The following LAMB1 variants were observed in gnomAD, a reference collection of about 807,000 sequenced individuals.
LAMB1 encodes the protein laminin subunit beta 1, also known as laminin subunit beta-1.
LAMB1 carries 121 observed loss-of-function variants against 222.3 expected under a neutral mutation model. The ratio of observed to expected loss-of-function variants is 0.54; its 90% CI spans 0.47 to 0.63. The LOEUF (loss-of-function observed/expected upper bound fraction) is 0.63, where lower values mean the gene tolerates loss of function less well. LAMB1 is among the 30% of genes least tolerant of loss of function. LAMB1 has a pLI of 0.00. For synonymous variants in LAMB1, 794 were observed against 807.2 expected, an observed-to-expected ratio of 0.98 and a Z score of 0.28; for missense variants, 2,172 against 2,240.8, an observed-to-expected ratio of 0.97 and a Z score of 0.62.
Position 107,935,555 on chromosome 7 carries a change from C to G in LAMB1, c.4048G>C (p.Ala1350Pro). 6.2e-7 allele frequency: 1 copy of G among 1,613,904 alleles called. No homozygotes were observed. The highest frequency in any genetic ancestry group is 1.3e-5 in the African/African-American group (1 of 74,958). The change falls in exon 27 of 34, where the codon GCC becomes CCC. Residue 1350 changes from alanine to proline, a missense_variant. By Grantham distance (27) the Ala-to-Pro change is conservative. Coordinates refer to ENST00000222399, the MANE Select transcript of LAMB1 (RefSeq NM_002291.3). Reference protein sequence around the residue: ...TEPNSTVEQSALMRDRVEDVM... With the variant: ...TEPNSTVEQSPLMRDRVEDVM... ...TCTTCTACTCTGTCTCTCATGAGGG[C>G]TGACTGCTCCACAGTGCTGTTGGGT...
intron 1 of LAMB1, 23 bp from the exon 2 acceptor site, chr7:108,002,994 A>G (rs966375342): frequency 9.0e-6 from 14 of 1,557,066 alleles, no homozygotes; most frequent in African/African-American, 2.8e-5. Context: ...AAAGGAGGGG[A>G]AAAAAGGCAA....
At chr7:107,959,634 G>A (rs2033452853) in intron 19 of LAMB1, 57 bp downstream of exon 19, 1 of 1,613,940 alleles carries the variant, frequency 6.2e-7, no homozygotes, top group Non-Finnish European at 8.5e-7. Context: ...ATGGAACCCT[G>A]CCACAATGGC....
intron 4 of LAMB1, among the ~76,000 whole-genome samples, chr7:107,997,178 C>A (rs2034296035): frequency 6.6e-6 from 1 of 152,092 alleles, no homozygotes; most frequent in Admixed American, 6.5e-5. Flanking sequence ...AATCCCAGCA[C>A]TTTGGGAGGC....
Position 107,975,061 on chromosome 7 carries a change from C to A in LAMB1, c.1407G>T (p.Gly469=). The change falls in exon 12 of 34, where the codon GGG becomes GGT. Residue 469 remains glycine, a synonymous_variant. Coordinates refer to ENST00000222399, the MANE Select transcript of LAMB1 (RefSeq NM_002291.3). ...ACNPLGTIPG[G]NPCDSETGHC... ...GACCTGTCTCGGAATCACAAGGATTCCCTCCAGGAATTGTTCCCAGAGGAT... is the reference window on the plus strand; with the variant it reads ...GACCTGTCTCGGAATCACAAGGATTACCTCCAGGAATTGTTCCCAGAGGAT... The A allele has an allele frequency of 6.2e-7, 1 of 1,612,894 alleles. No individual in the cohort carries two copies. The highest frequency in any genetic ancestry group is 1.1e-5 in the South Asian group (1 of 91,036).
chr7:107,993,413 T>C (rs1310342220), intron 5 of LAMB1, among the ~76,000 whole-genome samples: 2 of 151,942 alleles, frequency 1.3e-5, no homozygotes, highest in South Asian at 2.1e-4. Flanking sequence ...GGATTACAGG[T>C]GTGAGCCACC....
At chr7:107,928,452 T>C (rs1466070219) in intron 31 of LAMB1, among the ~76,000 whole-genome samples, 1 of 152,130 alleles carries the variant, frequency 6.6e-6, no homozygotes, top group African/African-American at 2.4e-5. Context: ...ATTATTATAC[T>C]TCATACTACT....
chr7:108,003,143 G>T lies in LAMB1; in HGVS notation c.-119C>A. Reference sequence around the variant, plus strand: ...CGCGAGCTCTCGCCCTGCTCCGGGAGCCCCCGAGCCCAAAGAAGGGAATTA... The same window carrying T: ...CGCGAGCTCTCGCCCTGCTCCGGGATCCCCCGAGCCCAAAGAAGGGAATTA... On this transcript the variant is annotated 5_prime_UTR_variant, in exon 1 of 34. Coordinates refer to ENST00000222399, the MANE Select transcript of LAMB1 (RefSeq NM_002291.3). The T allele has an allele frequency of 1.6e-6, 1 of 639,472 alleles. No homozygotes were observed. Among genetic ancestry groups the T allele is most frequent in the Non-Finnish European group, 2.5e-6 (1 of 399,518 alleles). 39.6% of individuals were successfully genotyped at this position (639,472 alleles called of 1,614,324 possible).
At position 107,931,346 on chromosome 7, in the gene LAMB1, A is replaced by C. The variant is rs2116325144; in HGVS notation, c.4537+10T>G. ...CAAATGTCTAAAAGTAAAATGAAAA[A>C]ATTTCTTACGGGTCAAAAAGTTTCT... is the stretch of plus-strand genomic sequence containing the variant. On this transcript the variant is annotated intron_variant, in intron 29 of 33. Transcript: ENST00000222399. 1 of 1,608,796 alleles carries C rather than the reference A, an allele frequency of 6.2e-7. No individual in the cohort carries two copies. Among genetic ancestry groups the C allele is most frequent in the East Asian group, 2.2e-5 (1 of 44,804 alleles).
chr7:107,941,819 C>G (rs1446496900), intron 24 of LAMB1, among the ~76,000 whole-genome samples: 1 of 135,606 alleles, frequency 7.4e-6, no homozygotes, highest in Admixed American at 8.1e-5. Context: ...CCACCACACC[C>G]GGCTTTTTTT....
chr7:107,936,102 G>T (rs1461397836), intron 26 of LAMB1, among the ~76,000 whole-genome samples: 3 of 152,194 alleles, frequency 2.0e-5, no homozygotes, highest in Admixed American at 6.5e-5. Context: ...AAAAATGGTT[G>T]TATCTGTACT....
At position 107,940,366 on chromosome 7, in the gene LAMB1, G is replaced by A. The variant is rs939670998; in HGVS notation, c.3392-8C>T. ...TGGGGTCACAGTCACAGGCTAGAAG[G>A]GAATAAGCAATGCTAGCTGATCTAC... On this transcript the variant is annotated splice_region_variant and splice_polypyrimidine_tract_variant and intron_variant, in intron 24 of 33. Coordinates refer to ENST00000222399, the MANE Select transcript of LAMB1 (RefSeq NM_002291.3). 2 of 1,606,190 alleles carry A rather than the reference G, an allele frequency of 1.2e-6. No individual in the cohort carries two copies.
intron 3 of LAMB1, among the ~76,000 whole-genome samples, chr7:108,000,396 C>G (rs747546235): frequency 5.9e-5 from 9 of 152,156 alleles, no homozygotes; most frequent in Non-Finnish European, 1.3e-4. Flanking sequence ...ATCTGCTGTG[C>G]AAACCACACA....
chr7:107,933,717 A>C (rs558085226), intron 27 of LAMB1, among the ~76,000 whole-genome samples: 1 of 152,344 alleles, frequency 6.6e-6, no homozygotes, highest in Non-Finnish European at 1.5e-5. Context: ...GCAGTAAAGA[A>C]CTTACAGAAA....
intron 13 of LAMB1, among the ~76,000 whole-genome samples, chr7:107,972,600 G>GA: frequency 6.8e-6 from 1 of 147,398 alleles, no homozygotes; most frequent in African/African-American, 2.5e-5. Flanking sequence ...AAAAAAAAAA[G>GA]AAAAAAAGAA....
rs112562651 is a variant in LAMB1 at position 107,970,979 on chromosome 7, G to A, written c.1562+2013C>T. On this transcript the variant is annotated intron_variant, in intron 13 of 33. Transcript: ENST00000222399. ...AACTCCTGACCTCAGGTGATCTGGC[G>A]CGCCGGCCTCCCAAAGTGCTAGGAT... Among the ~76,000 whole-genome samples the A allele has an allele frequency of 9.7e-4, 148 of 152,202 alleles. 1 individual carries two copies. The highest frequency in any genetic ancestry group is 3.2e-3 in the African/African-American group (133 of 41,536).
At chr7:107,937,010 T>A in intron 26 of LAMB1, 83 bp downstream of exon 26, 1 of 1,161,824 alleles carries the variant, frequency 8.6e-7, no homozygotes, top group Non-Finnish European at 1.2e-6. Flanking sequence ...AAACTTTTTT[T>A]TTTCCCCAAA....
chr7:107,931,659 C>T, intron 28 of LAMB1, 159 bp from the exon 29 acceptor site: 1 of 676,876 alleles, frequency 1.5e-6, no homozygotes, highest in Non-Finnish European at 2.5e-6. Flanking sequence ...TTGTATCTTA[C>T]AGACTGCAAG....
At position 107,929,458 on chromosome 7, in the gene LAMB1, C is replaced by G. The variant is rs774200279; in HGVS notation, c.4699G>C (p.Asp1567His). 7 of 1,614,170 alleles carry G rather than the reference C, an allele frequency of 4.3e-6. No homozygotes were observed. The South Asian group carries it at 6.6e-5, about 15-fold the overall frequency. The change falls in exon 30 of 34, where the codon GAC becomes CAC. Residue 1567 changes from aspartate (D) to histidine (H), a missense_variant. Transcript: ENST00000222399. ...AACAACATCTCAGCTCTGGCAATGT[C>G]AGCAGCACTATGCTGAAGAATAACC... is the stretch of plus-strand genomic sequence containing the variant. Reference protein sequence around the residue: ...VEVILQHSAADIARAEMLLEE... With the variant: ...VEVILQHSAAHIARAEMLLEE...
intron 13 of LAMB1, among the ~76,000 whole-genome samples, chr7:107,965,417 T>C (rs2033613025): frequency 6.6e-6 from 1 of 152,028 alleles, no homozygotes; most frequent in South Asian, 2.1e-4. Context: ...CCATCTCTAC[T>C]AAAAATACAA....
Sources: gnomAD v4.1 joint callset for allele counts (sites outside exome capture counted in the v4.1 genomes callset) on GRCh38, gnomAD v4.1.1 for gene constraint, MANE v1.5 for transcripts, NCBI Gene and HGNC (gene_info 2026-07-23, HGNC 2026-07-21) for gene names.